IL22RA2: variants seen among roughly 807,000 people sequenced by gnomAD.
The protein encoded by IL22RA2 is interleukin 22 receptor subunit alpha 2.
In IL22RA2, 39 loss-of-function variants were observed where a neutral mutation model predicts 30.7. That is an observed-to-expected ratio of 1.27 (90% CI 0.98 to 1.66). The LOEUF is 1.66. Ranked by LOEUF, IL22RA2 falls within the 40% of genes most tolerant of loss-of-function variation. The pLI, the probability that IL22RA2 is intolerant of heterozygous loss-of-function variation, is 0.00. For synonymous variants in IL22RA2, 103 were observed against 105.0 expected (o/e 0.98, Z 0.11); for missense variants, 315 against 312.7 (o/e 1.01, Z -0.05).
Position 137,147,761 on chromosome 6 carries a change from T to C in IL22RA2, c.603A>G (p.Leu201=). 1.3e-6 allele frequency: 2 copies of C among 1,587,784 alleles called. No individual in the cohort carries two copies. Among genetic ancestry groups the C allele is most frequent in the African/African-American group, 1.3e-5 (1 of 74,342 alleles). The change falls in exon 6 of 7, where the codon CTA becomes CTG. Residue 201 remains leucine, a synonymous_variant. Transcript: ENST00000296980. ...TGTTAATTATAAAAACTCGGTATAG[T>C]AGTTCATAGTAATCTTCTATAGATA... is the stretch of plus-strand genomic sequence containing the variant. The part of the protein sequence containing the change: ...KNVSIEDYYE[L]LYRVFIINNS...
At chr6:137,166,035 G>T (rs1778619505) in intron 1 of IL22RA2, among the ~76,000 whole-genome samples, 1 of 152,150 alleles carries the variant, frequency 6.6e-6, no homozygotes, top group Non-Finnish European at 1.5e-5. Flanking sequence ...TGTGGCCCAG[G>T]GTATCACTGT....
intron 2 of IL22RA2, among the ~76,000 whole-genome samples, chr6:137,161,084 A>G (rs372595639): frequency 6.6e-6 from 1 of 152,222 alleles, no homozygotes; most frequent in Admixed American, 6.5e-5. Context: ...TCCTCCACGA[A>G]TACCAGAAGC....
intron 1 of IL22RA2, among the ~76,000 whole-genome samples, chr6:137,172,570 G>A (rs552929681): frequency 6.6e-6 from 1 of 152,366 alleles, no homozygotes; most frequent in East Asian, 1.9e-4. Flanking sequence ...AAGTAAGAAA[G>A]TTTTAGTCAC....
chr6:137,168,269 C>A (rs2114397083), intron 1 of IL22RA2, among the ~76,000 whole-genome samples: 1 of 152,232 alleles, frequency 6.6e-6, no homozygotes, highest in South Asian at 2.1e-4. Flanking sequence ...AGTCTGTGAT[C>A]CTGGAAACGG....
chr6:137,155,583 A>C (rs371798533), intron 4 of IL22RA2, among the ~76,000 whole-genome samples: 1 of 151,988 alleles, frequency 6.6e-6, no homozygotes, highest in Non-Finnish European at 1.5e-5. Flanking sequence ...CCTCAATAAC[A>C]CATTAATTCG....
chr6:137,167,754 C>T (rs1778651616), intron 1 of IL22RA2, among the ~76,000 whole-genome samples: 1 of 152,196 alleles, frequency 6.6e-6, no homozygotes. Flanking sequence ...CTCAACATGG[C>T]TGATCCTGTG....
At chr6:137,167,524 C>G (rs574481813) in intron 1 of IL22RA2, among the ~76,000 whole-genome samples, 80 of 152,332 alleles carry the variant, frequency 5.3e-4, no homozygotes, top group African/African-American at 1.8e-3. Flanking sequence ...GTTAGCCTCA[C>G]AGATGCAGTA....
rs28385768 is a variant in IL22RA2, at chr6:137,160,066, T to G, written c.62-1584A>C. Among the ~76,000 whole-genome samples the G allele has an allele frequency of 4.6e-5, 7 of 152,240 alleles. No individual in the cohort carries two copies. In the East Asian group the frequency reaches 1.3e-3, roughly 29 times the overall value. ...TCTTGGAAAGAGTCTACAGCCACAGTTGATTTTGCTCACAAAAATCACTGC... is the reference window on the plus strand; with the variant it reads ...TCTTGGAAAGAGTCTACAGCCACAGGTGATTTTGCTCACAAAAATCACTGC... On this transcript the variant is annotated intron_variant, in intron 2 of 6. Transcript: ENST00000296980.
intron 1 of IL22RA2, among the ~76,000 whole-genome samples, chr6:137,165,554 G>T (rs950249200): frequency 5.3e-5 from 8 of 152,140 alleles, no homozygotes; most frequent in Non-Finnish European, 1.2e-4. Flanking sequence ...TGTGGTCGTG[G>T]TTGCGGTCAT....
Position 137,163,330 on chromosome 6 carries a change from C to A in IL22RA2, c.-65-1516G>T, listed in dbSNP as rs192578985. Among the ~76,000 whole-genome samples the A allele has an allele frequency of 5.5e-4, 84 of 152,234 alleles. 1 individual carries two copies. The highest frequency in any genetic ancestry group is 7.1e-4 in the Non-Finnish European group (48 of 68,020). On this transcript the variant is annotated intron_variant, in intron 1 of 6. Transcript: ENST00000296980. Reference sequence around the variant, plus strand: ...CTTAATTTAGTAAACTCTCCTGAACCTTTTTCGGTCTCTCCAATCTTTGGT... The same window carrying A: ...CTTAATTTAGTAAACTCTCCTGAACATTTTTCGGTCTCTCCAATCTTTGGT...
intron 6 of IL22RA2, 116 bp downstream of exon 6, chr6:137,147,606 G>T: frequency 1.2e-6 from 1 of 856,552 alleles, no homozygotes; most frequent in Non-Finnish European, 1.7e-6. Context: ...AGAAATTAAA[G>T]ATAAGGAAAA....
chr6:137,166,330 C>T lies in IL22RA2; in HGVS notation c.-65-4516G>A, dbSNP rs907261400. On this transcript the variant is annotated intron_variant, in intron 1 of 6. Coordinates refer to ENST00000296980, the MANE Select transcript of IL22RA2 (RefSeq NM_052962.3). Reference sequence around the variant, plus strand: ...TATACTGACTCAAGGTATGCCTTTGCCACTTTGCATGCCCATGGAGCCATA... The same window carrying T: ...TATACTGACTCAAGGTATGCCTTTGTCACTTTGCATGCCCATGGAGCCATA... Among the ~76,000 whole-genome samples the T allele has an allele frequency of 2.4e-4, 37 of 152,146 alleles. 1 individual carries two copies. The highest frequency in any genetic ancestry group is 2.0e-4 in the Admixed American group (3 of 15,274).
At chr6:137,153,694 T>G (rs180927105) in intron 5 of IL22RA2, among the ~76,000 whole-genome samples, 16 of 152,328 alleles carry the variant, frequency 1.1e-4, no homozygotes, top group Admixed American at 9.2e-4. Context: ...ATTCTGATTT[T>G]CAAGGCATAA....
chr6:137,155,401 G>A (rs9494673), intron 4 of IL22RA2, among the ~76,000 whole-genome samples: 17,024 of 151,934 alleles, frequency 0.11, 1,495 homozygotes, highest in African/African-American at 0.24. Context: ...AGAGCCATAA[G>A]AGCCACATCT....
intron 1 of IL22RA2, among the ~76,000 whole-genome samples, chr6:137,164,094 G>A (rs1219377975): frequency 6.6e-6 from 1 of 152,166 alleles, no homozygotes; most frequent in Non-Finnish European, 1.5e-5. Context: ...TCACAAGGGA[G>A]GAAACAGGAG....
At chr6:137,170,053 C>G (rs577972882) in intron 1 of IL22RA2, among the ~76,000 whole-genome samples, 2 of 152,308 alleles carry the variant, frequency 1.3e-5, no homozygotes, top group East Asian at 3.9e-4. Flanking sequence ...CCTACTGCTT[C>G]CCTGTCTCTT....
chr6:137,155,782 G>A (rs1027490089), intron 4 of IL22RA2, among the ~76,000 whole-genome samples: 1 of 152,046 alleles, frequency 6.6e-6, no homozygotes, highest in East Asian at 1.9e-4. Context: ...CATCCCTGAC[G>A]CTTTCTGTAT....
intron 6 of IL22RA2, 137 bp downstream of exon 6, chr6:137,147,585 T>G (rs1359371337): frequency 2.8e-6 from 2 of 704,212 alleles, no homozygotes; most frequent in Non-Finnish European, 4.3e-6. Context: ...CAATGATGGC[T>G]GAGAGTAAGA....
chr6:137,145,847 A>C, intron 6 of IL22RA2, 74 bp from the exon 7 acceptor site: 1 of 1,510,538 alleles, frequency 6.6e-7, no homozygotes, highest in Non-Finnish European at 9.2e-7. Flanking sequence ...TGTTTAAATT[A>C]ACAAGTTGTA....
Sources: allele counts gnomAD v4.1 joint callset (sites outside exome capture counted in the v4.1 genomes callset), GRCh38; gene constraint gnomAD v4.1.1; transcripts MANE v1.5; gene names NCBI Gene and HGNC (gene_info 2026-07-23, HGNC 2026-07-21).